CADPS2: variants seen among roughly 807,000 people sequenced by gnomAD.
CADPS2 encodes calcium-dependent secretion activator 2.
A neutral mutation model predicts 172.5 loss-of-function variants in CADPS2; 93 were observed. The ratio of observed to expected loss-of-function variants is 0.54; its 90% confidence interval spans 0.46 to 0.64. CADPS2 has a LOEUF of 0.64. Among genes scored for constraint, CADPS2 ranks in the 30% least tolerant of loss-of-function variants. The pLI, the probability that CADPS2 is intolerant of heterozygous loss-of-function variation, is 0.00. For missense variants in CADPS2, 1,420 were observed against 1,565.9 expected (o/e 0.91, Z 1.57); for synonymous variants, 546 against 555.2 (o/e 0.98, Z 0.23).
rs191471215 is a variant in CADPS2, at chr7:122,630,716, A to G, written c.787-1388T>C. 3.3e-5 allele frequency among the ~76,000 whole-genome samples: 5 copies of G among 152,284 alleles called. No homozygotes were observed. The East Asian group carries it at 7.7e-4, about 24-fold the overall frequency. ...ACGGAAGTCTTATTTTGTTTTCTTT[A>G]AAGATATACACAAAATGTTAAATTG... On this transcript the variant is annotated intron_variant, in intron 3 of 29. Transcript: ENST00000449022.
chr7:122,379,076 A>T, intron 25 of CADPS2: 1 of 258,122 alleles, frequency 3.9e-6, no homozygotes, highest in South Asian at 4.8e-5. Flanking sequence ...GTTAAAATAA[A>T]TAGCATAAGA....
chr7:122,793,503 T>A (rs1795720083), intron 1 of CADPS2, among the ~76,000 whole-genome samples: 1 of 152,216 alleles, frequency 6.6e-6, no homozygotes, highest in Non-Finnish European at 1.5e-5. Flanking sequence ...CATCCTTTTA[T>A]TTTGAGCTTA....
intron 1 of CADPS2, among the ~76,000 whole-genome samples, chr7:122,780,619 T>G (rs1792443049): frequency 6.6e-6 from 1 of 152,110 alleles, no homozygotes; most frequent in Non-Finnish European, 1.5e-5. Context: ...GGCTCAAGTC[T>G]CAGCCTCACA....
chr7:122,394,460 A>C (rs2044790364), intron 20 of CADPS2, among the ~76,000 whole-genome samples: 1 of 152,214 alleles, frequency 6.6e-6, no homozygotes, highest in Non-Finnish European at 1.5e-5. Context: ...GATTGTAAAT[A>C]TTTCTCAAAG....
chr7:122,513,621 C>A (rs1312457693), intron 8 of CADPS2, among the ~76,000 whole-genome samples: 1 of 152,150 alleles, frequency 6.6e-6, no homozygotes. Flanking sequence ...ACATGCAATT[C>A]TTAGGAGAGA....
At chr7:122,618,014 A>T (rs576595823) in intron 5 of CADPS2, among the ~76,000 whole-genome samples, 17 of 150,386 alleles carry the variant, frequency 1.1e-4, no homozygotes, top group Admixed American at 8.7e-4. Flanking sequence ...ACTGCACTCC[A>T]GCCTGGGCGA....
chr7:122,515,951 CAA>C (rs201256882), intron 8 of CADPS2, among the ~76,000 whole-genome samples: 1 of 151,298 alleles, frequency 6.6e-6, no homozygotes, highest in Non-Finnish European at 1.5e-5. Flanking sequence ...AAAAAACATG[CAA>C]AAAAAGAATA....
intron 1 of CADPS2, among the ~76,000 whole-genome samples, chr7:122,808,727 C>A (rs1799353061): frequency 6.6e-6 from 1 of 152,160 alleles, no homozygotes; most frequent in Non-Finnish European, 1.5e-5. Context: ...TGCTTCAATA[C>A]AACCAAGATA....
chr7:122,624,632 T>TCCTTA (rs1268565722), intron 4 of CADPS2, among the ~76,000 whole-genome samples: 1 of 152,216 alleles, frequency 6.6e-6, no homozygotes, highest in Non-Finnish European at 1.5e-5. Flanking sequence ...GATTCAGTTA[T>TCCTTA]CCTTACCATA....
intron 6 of CADPS2, among the ~76,000 whole-genome samples, chr7:122,597,296 G>T (rs935617369): frequency 4.6e-5 from 7 of 152,034 alleles, no homozygotes; most frequent in African/African-American, 1.7e-4. Context: ...CTCGGAAAAA[G>T]AAATCAGTAA....
chr7:122,661,728 T>C (rs1272567071), intron 3 of CADPS2, among the ~76,000 whole-genome samples: 1 of 152,128 alleles, frequency 6.6e-6, no homozygotes, highest in Non-Finnish European at 1.5e-5. Context: ...GAGGAAAAAA[T>C]ATGTTTTTTC....
chr7:122,780,972 G>T (rs531661603), intron 1 of CADPS2, among the ~76,000 whole-genome samples: 1 of 152,280 alleles, frequency 6.6e-6, no homozygotes, highest in Non-Finnish European at 1.5e-5. Flanking sequence ...TGGGAGTGCT[G>T]AGTCAAAGTG....
At chr7:122,399,788 G>A (rs2045697678) in intron 20 of CADPS2, among the ~76,000 whole-genome samples, 3 of 141,092 alleles carry the variant, frequency 2.1e-5, no homozygotes, top group Non-Finnish European at 3.0e-5. Flanking sequence ...CCGGGTTCAC[G>A]CCATTCTCCT....
At chr7:122,446,497 T>C (rs1429451121) in intron 15 of CADPS2, among the ~76,000 whole-genome samples, 1 of 152,302 alleles carries the variant, frequency 6.6e-6, no homozygotes, top group African/African-American at 2.4e-5. Context: ...ATTATAGTAC[T>C]CTACTGATAC....
At chr7:122,555,613 T>A (rs771027505) in intron 7 of CADPS2, among the ~76,000 whole-genome samples, 3 of 152,108 alleles carry the variant, frequency 2.0e-5, no homozygotes, top group African/African-American at 2.4e-5. Context: ...ACAAAATAAA[T>A]ATGTTCATTA....
chr7:122,664,747 T>A (rs13221540), intron 2 of CADPS2, among the ~76,000 whole-genome samples: 3 of 152,158 alleles, frequency 2.0e-5, no homozygotes, highest in Admixed American at 6.5e-5. Context: ...ATAAATTATA[T>A]GCTGTTATTG....
intron 2 of CADPS2, among the ~76,000 whole-genome samples, chr7:122,692,526 T>C (rs995782318): frequency 6.6e-6 from 1 of 152,202 alleles, no homozygotes; most frequent in African/African-American, 2.4e-5. Context: ...ACCTGTCTAC[T>C]GCCTCCCACG....
chr7:122,346,957 A>G (rs1276483475), intron 27 of CADPS2, among the ~76,000 whole-genome samples: 3 of 152,214 alleles, frequency 2.0e-5, no homozygotes, highest in African/African-American at 7.2e-5. Flanking sequence ...TAAGAACAAA[A>G]TGATAACTAT....
intron 13 of CADPS2, 37 bp from the exon 14 acceptor site, chr7:122,471,599 T>A (rs1224461729): frequency 2.7e-6 from 4 of 1,505,342 alleles, no homozygotes; most frequent in Non-Finnish European, 3.6e-6. Flanking sequence ...ACATGTTTTT[T>A]CTTTCTATAC....
Sources: allele counts gnomAD v4.1 joint callset (sites outside exome capture counted in the v4.1 genomes callset), GRCh38; gene constraint gnomAD v4.1.1; transcripts MANE v1.5; gene names NCBI Gene and HGNC (gene_info 2026-07-23, HGNC 2026-07-21).